KCNK3: variants seen among roughly 807,000 people sequenced by gnomAD.
The protein encoded by KCNK3 is potassium two pore domain channel subfamily K member 3.
A neutral mutation model predicts 27.3 loss-of-function variants in KCNK3; 9 were observed. The observed-to-expected ratio is 0.33, with a 90% CI of 0.20 to 0.57. KCNK3 has a LOEUF of 0.57. Among genes scored for constraint, KCNK3 ranks in the 20% least tolerant of loss-of-function variants. The pLI is 0.87. For missense variants in KCNK3, 391 were observed against 577.7 expected, an observed-to-expected ratio of 0.68 and a Z score of 3.31; for synonymous variants, 278 against 273.8, an observed-to-expected ratio of 1.02 and a Z score of -0.15.
In KCNK3 at chr2:26,727,914, C is replaced by G. The variant is rs756202737; in HGVS notation, c.531C>G (p.Ala177=). ...CISTLCIGAA[A]FSHYEHWTFF... ...GCACGCTGTGCATCGGCGCCGCCGC[C>G]TTCTCCCACTACGAGCACTGGACCT... The change falls in exon 2 of 2, where the codon GCC becomes GCG. Residue 177 remains alanine, a synonymous_variant. Transcript: ENST00000302909. 1.1e-5 allele frequency: 18 copies of G among 1,614,122 alleles called. No homozygotes were observed. Among genetic ancestry groups the G allele is most frequent in the Non-Finnish European group, 1.5e-5 (18 of 1,180,044 alleles).
chr2:26,713,188 C>T (rs527487122), intron 1 of KCNK3, among the ~76,000 whole-genome samples: 2 of 152,092 alleles, frequency 1.3e-5, no homozygotes, highest in African/African-American at 2.4e-5. Flanking sequence ...GGGGAGACTG[C>T]GAAAGGAGGA....
chr2:26,701,639 AT>A (rs1670309234), intron 1 of KCNK3, among the ~76,000 whole-genome samples: 1 of 152,188 alleles, frequency 6.6e-6, no homozygotes, highest in Admixed American at 6.5e-5. Flanking sequence ...AACAACACAC[AT>A]TTTTTAAAAA....
rs1670194378 is a variant in KCNK3, at chr2:26,693,328, C to A, written c.283+170C>A. 6.6e-6 allele frequency among the ~76,000 whole-genome samples: 1 copy of A among 152,176 alleles called. No individual in the cohort carries two copies. Among genetic ancestry groups the A allele is most frequent in the Non-Finnish European group, 1.5e-5 (1 of 68,010 alleles). On this transcript the variant is annotated intron_variant, in intron 1 of 1. Coordinates refer to ENST00000302909, the MANE Select transcript of KCNK3 (RefSeq NM_002246.3). This position sits in a 1 kb window ranked among gnomAD's most constrained non-coding sequence, Gnocchi z 5.5. The stretch of plus-strand genomic sequence containing the variant: ...GCCTGGCGTGTGTGCTCCGCGGGGA[C>A]GGAACTCGGGGAGGCGTCGATTCCT...
At chr2:26,716,790 C>CT (rs1348675322) in intron 1 of KCNK3, among the ~76,000 whole-genome samples, 1 of 152,194 alleles carries the variant, frequency 6.6e-6, no homozygotes. Flanking sequence ...AAGGGATCTT[C>CT]TAATCTAACT....
intron 1 of KCNK3, among the ~76,000 whole-genome samples, chr2:26,697,149 T>G (rs1670244320): frequency 6.6e-6 from 1 of 152,138 alleles, no homozygotes; most frequent in Non-Finnish European, 1.5e-5. Flanking sequence ...CAGATTCAAT[T>G]GGACCTCTCT....
At chr2:26,708,811 T>A (rs1045701489) in intron 1 of KCNK3, among the ~76,000 whole-genome samples, 2 of 152,186 alleles carry the variant, frequency 1.3e-5, no homozygotes, top group Non-Finnish European at 2.9e-5. Context: ...TCTGCAAAGA[T>A]CGGATGGTGG....
chr2:26,696,773 G>C (rs1440829283), intron 1 of KCNK3, among the ~76,000 whole-genome samples: 1 of 152,258 alleles, frequency 6.6e-6, no homozygotes, highest in East Asian at 1.9e-4. Context: ...AAGGGGCTTC[G>C]GAGATCAGCT....
chr2:26,710,772 G>A (rs1308324137), intron 1 of KCNK3, among the ~76,000 whole-genome samples: 4 of 152,142 alleles, frequency 2.6e-5, no homozygotes, highest in Admixed American at 6.5e-5. Context: ...CCTGGCACCC[G>A]ATTCTCAGCT....
intron 1 of KCNK3, among the ~76,000 whole-genome samples, chr2:26,704,951 G>A (rs987704074): frequency 6.6e-6 from 1 of 152,086 alleles, no homozygotes; most frequent in Non-Finnish European, 1.5e-5. Context: ...GCCCTAGGAG[G>A]GAGGCACTAT....
At chr2:26,712,568 G>A (rs112902315) in intron 1 of KCNK3, among the ~76,000 whole-genome samples, 57 of 152,174 alleles carry the variant, frequency 3.7e-4, no homozygotes, top group African/African-American at 1.3e-3. Flanking sequence ...CCTTTGTGCA[G>A]ATGTCCCCCT....
chr2:26,724,158 G>T (rs373274686), intron 1 of KCNK3, among the ~76,000 whole-genome samples: 1 of 152,192 alleles, frequency 6.6e-6, no homozygotes, highest in Non-Finnish European at 1.5e-5. Flanking sequence ...CAAGTTGGGC[G>T]CCCACGTCAG....
intron 1 of KCNK3, among the ~76,000 whole-genome samples, chr2:26,720,028 C>T (rs1366242931): frequency 2.0e-5 from 3 of 152,094 alleles, no homozygotes; most frequent in African/African-American, 7.2e-5. Context: ...TTTGGGAGGC[C>T]GAGGCAGGTG....
intron 1 of KCNK3, among the ~76,000 whole-genome samples, chr2:26,713,705 T>C (rs576885958): frequency 6.7e-6 from 1 of 149,946 alleles, no homozygotes; most frequent in African/African-American, 2.5e-5. Flanking sequence ...GAGGCAGAGG[T>C]TGTAGTGAGC....
chr2:26,692,983 C>G lies in KCNK3; in HGVS notation c.108C>G (p.Ile36Met), dbSNP rs1010960867. The G allele has an allele frequency of 3.8e-6, 6 of 1,573,972 alleles. No homozygotes were observed. Among genetic ancestry groups the G allele is most frequent in the East Asian group, 2.4e-5 (1 of 42,496 alleles). The change falls in exon 1 of 2, where the codon ATC (isoleucine) becomes ATG (methionine). Residue 36 changes from isoleucine (I) to methionine (M), a missense_variant. Physicochemically the swap from Ile to Met is conservative, Grantham distance 10. Coordinates refer to ENST00000302909, the MANE Select transcript of KCNK3 (RefSeq NM_002246.3). This position sits in a 1 kb window ranked among gnomAD's most constrained non-coding sequence, Gnocchi z 5.6. Reference protein sequence around the residue: ...FDALESEPELIERQRLELRQQ... With the variant: ...FDALESEPELMERQRLELRQQ... The stretch of plus-strand genomic sequence containing the variant: ...CGCTGGAGTCGGAGCCCGAGCTGAT[C>G]GAGCGGCAGCGGCTGGAGCTGCGGC...
chr2:26,719,977 G>C (rs577847486), intron 1 of KCNK3, among the ~76,000 whole-genome samples: 1 of 152,172 alleles, frequency 6.6e-6, no homozygotes, highest in African/African-American at 2.4e-5. Context: ...TAAAATGAGT[G>C]GGGGGAAGGG....
chr2:26,728,352 C>T lies in KCNK3; in HGVS notation c.969C>T (p.Tyr323=). The T allele has an allele frequency of 6.2e-7, 1 of 1,606,852 alleles. No individual in the cohort carries two copies. Among genetic ancestry groups the T allele is most frequent in the South Asian group, 1.1e-5 (1 of 89,944 alleles). ...ACAAGAGCCGCGAGAAGCTGCAGTA[C>T]TCCATCCCCATGATCATCCCGCGGG... ...LWYKSREKLQ[Y]SIPMIIPRDL... The change falls in exon 2 of 2, where the codon TAC becomes TAT. Residue 323 remains tyrosine, a synonymous_variant. Transcript: ENST00000302909.
At chr2:26,696,182 C>G (rs748587141) in intron 1 of KCNK3, among the ~76,000 whole-genome samples, 3 of 152,224 alleles carry the variant, frequency 2.0e-5, no homozygotes, top group Non-Finnish European at 4.4e-5. Context: ...CCTTAGTGAT[C>G]ACAATGCACT....
intron 1 of KCNK3, among the ~76,000 whole-genome samples, chr2:26,726,102 CACACAGAGAGAG>C (rs1194272237): frequency 3.0e-3 from 408 of 136,160 alleles, no homozygotes; most frequent in African/African-American, 4.8e-3. Flanking sequence ...CACACACACA[CACACAGAGAGAG>C]AGAGAGAGAG....
chr2:26,720,906 C>T (rs1470071031), intron 1 of KCNK3, among the ~76,000 whole-genome samples: 1 of 152,160 alleles, frequency 6.6e-6, no homozygotes, highest in Non-Finnish European at 1.5e-5. Flanking sequence ...TCCATGAGAC[C>T]CGGTGGTTCC....
Sources: gnomAD v4.1 joint callset for allele counts (sites outside exome capture counted in the v4.1 genomes callset) on GRCh38, gnomAD v4.1.1 for gene constraint, Gnocchi (gnomAD v3.1) non-coding constraint, MANE v1.5 for transcripts, NCBI Gene and HGNC (gene_info 2026-07-23, HGNC 2026-07-21) for gene names.